NALF1: variants seen among roughly 807,000 people sequenced by gnomAD.
NALF1 encodes the protein family with sequence similarity 155 member A.
A neutral mutation model predicts 48.4 loss-of-function variants in NALF1; 3 were observed. The ratio of observed to expected loss-of-function variants is 0.06; its 90% confidence interval spans 0.03 to 0.16. NALF1 has a LOEUF of 0.16. Among genes scored for constraint, NALF1 ranks in the 10% least tolerant of loss-of-function variants. The pLI is 1.00. For synonymous variants in NALF1, 262 were observed against 245.7 expected, an observed-to-expected ratio of 1.07 and a Z score of -0.62; for missense variants, 526 against 571.5, an observed-to-expected ratio of 0.92 and a Z score of 0.81.
At chr13:107,813,864 ATAAT>A (rs1879078705) in intron 1 of NALF1, among the ~76,000 whole-genome samples, 2 of 151,836 alleles carry the variant, frequency 1.3e-5, no homozygotes, top group African/African-American at 2.4e-5. Context: ...GTTTAATTAA[ATAAT>A]TAATTAAATT....
chr13:107,582,966 C>T (rs1878356080), intron 1 of NALF1, among the ~76,000 whole-genome samples: 1 of 152,122 alleles, frequency 6.6e-6, no homozygotes, highest in Non-Finnish European at 1.5e-5. Context: ...CCTGGTATAT[C>T]ACCTTTTCCC....
intron 1 of NALF1, among the ~76,000 whole-genome samples, chr13:107,382,727 T>G (rs1451119378): frequency 2.0e-5 from 3 of 152,198 alleles, no homozygotes; most frequent in African/African-American, 7.2e-5. Context: ...TAGAGAGTGC[T>G]GATTGGTCGT....
chr13:107,828,620 C>T (rs1253379123), intron 1 of NALF1, among the ~76,000 whole-genome samples: 5 of 146,342 alleles, frequency 3.4e-5, no homozygotes, highest in African/African-American at 9.8e-5. Flanking sequence ...CACACACACA[C>T]ACACACACAC....
intron 1 of NALF1, among the ~76,000 whole-genome samples, chr13:107,828,609 A>C (rs1286631092): frequency 0.099 from 1,204 of 12,196 alleles, 17 homozygotes; most frequent in African/African-American, 0.18. Context: ...ATATCTATAC[A>C]CACACACACA....
chr13:107,860,218 T>G (rs1307137011), intron 1 of NALF1, among the ~76,000 whole-genome samples: 1 of 152,188 alleles, frequency 6.6e-6, no homozygotes, highest in Non-Finnish European at 1.5e-5. Context: ...GAGACCCAGT[T>G]AGTTCACTTC....
intron 1 of NALF1, among the ~76,000 whole-genome samples, chr13:107,454,043 T>A (rs1884785756): frequency 6.6e-6 from 1 of 152,194 alleles, no homozygotes; most frequent in African/African-American, 2.4e-5. Context: ...CAGCCTGAAA[T>A]TCATTGTCCA....
intron 1 of NALF1, among the ~76,000 whole-genome samples, chr13:107,277,688 C>T (rs951681787): frequency 6.6e-6 from 1 of 152,208 alleles, no homozygotes; most frequent in African/African-American, 2.4e-5. Context: ...TCCATATTCC[C>T]AATTTCTAAC....
At chr13:107,220,894 T>C (rs1328313470) in intron 1 of NALF1, among the ~76,000 whole-genome samples, 2 of 151,678 alleles carry the variant, frequency 1.3e-5, no homozygotes, top group African/African-American at 2.4e-5. Context: ...GGGCAGAGCA[T>C]GGGAGGAAGA....
chr13:107,845,847 T>C lies in NALF1; in HGVS notation c.915+19835A>G, dbSNP rs528619558. Among the ~76,000 whole-genome samples the C allele has an allele frequency of 2.0e-5, 3 of 152,296 alleles. No homozygotes were observed. The South Asian group carries it at 6.2e-4, about 32-fold the overall frequency. ...ATAATACTACCCAAAAGAATGCCAC[T>C]ACTAAAGAATTATTTGTAACTCTTT... On this transcript the variant is annotated intron_variant, in intron 1 of 2. Transcript: ENST00000375915.
At chr13:107,561,964 A>C (rs2138394081) in intron 1 of NALF1, among the ~76,000 whole-genome samples, 1 of 152,350 alleles carries the variant, frequency 6.6e-6, no homozygotes, top group African/African-American at 2.4e-5. Flanking sequence ...TTTTAGATTA[A>C]CAAGATAATA....
intron 1 of NALF1, chr13:107,788,694 G>A (rs1394850738): frequency 1.3e-5 from 2 of 152,142 alleles, no homozygotes; most frequent in Non-Finnish European, 2.9e-5. Context: ...GCTCCAGAAT[G>A]CAGGGGCTTA....
At chr13:107,350,635 T>G (rs1317246307) in intron 1 of NALF1, among the ~76,000 whole-genome samples, 1 of 152,244 alleles carries the variant, frequency 6.6e-6, no homozygotes, top group African/African-American at 2.4e-5. Context: ...GCCTTACATA[T>G]GTCTTCATTG....
chr13:107,332,989 G>T (rs548347411), intron 1 of NALF1, among the ~76,000 whole-genome samples: 3 of 152,188 alleles, frequency 2.0e-5, no homozygotes, highest in East Asian at 1.9e-4. Flanking sequence ...GGGATTACAG[G>T]TGCGTGCCAC....
At chr13:107,434,920 C>T (rs1248574891) in intron 1 of NALF1, among the ~76,000 whole-genome samples, 1 of 152,128 alleles carries the variant, frequency 6.6e-6, no homozygotes, top group East Asian at 1.9e-4. Flanking sequence ...AGTGACATCC[C>T]CTGGCTATAT....
At chr13:107,793,442 A>C (rs1035878680) in intron 1 of NALF1, among the ~76,000 whole-genome samples, 17 of 152,186 alleles carry the variant, frequency 1.1e-4, no homozygotes, top group Non-Finnish European at 1.9e-4. Flanking sequence ...TATTTATCAA[A>C]TATAATGATT....
chr13:107,340,649 C>T (rs975676709), intron 1 of NALF1, among the ~76,000 whole-genome samples: 1 of 151,834 alleles, frequency 6.6e-6, no homozygotes, highest in African/African-American at 2.4e-5. Context: ...TGAGGATGTC[C>T]AGGGCCATGA....
intron 1 of NALF1, among the ~76,000 whole-genome samples, chr13:107,792,552 C>T (rs763513409): frequency 1.2e-4 from 19 of 152,138 alleles, no homozygotes; most frequent in Admixed American, 1.0e-3. Flanking sequence ...CAAAATGGGA[C>T]ATTGTAAGTG....
chr13:107,459,262 A>G (rs1003440110), intron 1 of NALF1, among the ~76,000 whole-genome samples: 12 of 152,158 alleles, frequency 7.9e-5, no homozygotes, highest in African/African-American at 2.9e-4. Context: ...TTAAGATCAG[A>G]ACAGACACCT....
At chr13:107,174,580 C>T (rs1878877590) in intron 2 of NALF1, among the ~76,000 whole-genome samples, 1 of 151,996 alleles carries the variant, frequency 6.6e-6, no homozygotes, top group Non-Finnish European at 1.5e-5. Context: ...TGGTCTTGAT[C>T]TCTTGACCTC....
Sources: allele counts gnomAD v4.1 joint callset (sites outside exome capture counted in the v4.1 genomes callset), GRCh38; gene constraint gnomAD v4.1.1; transcripts MANE v1.5; gene names NCBI Gene and HGNC (gene_info 2026-07-23, HGNC 2026-07-21).